Variants in COL18A1 observed in about 807,000 individuals in gnomAD.
COL18A1 encodes the protein collagen type XVIII alpha 1 chain.
Under a neutral mutation model 168.0 loss-of-function variants are expected in COL18A1, and 133 were observed. That is an observed-to-expected ratio of 0.79 (90% CI 0.69 to 0.91). The LOEUF (loss-of-function observed/expected upper bound fraction) is 0.91. Among genes scored for constraint, COL18A1 ranks in the 40% least tolerant of loss-of-function variants. The probability of loss-of-function intolerance (pLI) is 0.00; values close to 1 mark genes in which losing one functional copy is unlikely to be tolerated. For synonymous variants in COL18A1, 949 were observed against 809.0 expected (o/e 1.17, Z -2.94); for missense variants, 2,126 against 1,925.4 (o/e 1.10, Z -1.95).
intron 32 of COL18A1, 122 bp downstream of exon 32, chr21:45,497,783 C>G: frequency 7.3e-7 from 1 of 1,361,110 alleles, no homozygotes; most frequent in Admixed American, 2.0e-5. Context: ...GACCACCTCA[C>G]CCTGCGGGAG....
At chr21:45,429,358 G>A (rs1405984094) in intron 2 of COL18A1, among the ~76,000 whole-genome samples, 1 of 152,222 alleles carries the variant, frequency 6.6e-6, no homozygotes, top group Admixed American at 6.5e-5. Flanking sequence ...ACGGGGAGCT[G>A]TGGGTGATGG....
rs1181389735 is a variant in COL18A1, at chr21:45,443,075, GGGT to G, written c.107-25156_107-25154del. ...GTGTGGGCGGTGGTGGTGCTGGTGT[GGGT>G]GGTGGTGGTGCTGATGTGGGCGGCG... On this transcript the variant is annotated intron_variant, in intron 2 of 41. Transcript: ENST00000651438. The surrounding 1 kb of genome is among the most constrained non-coding windows in gnomAD (Gnocchi z 5.2). Among the ~76,000 whole-genome samples the G allele has an allele frequency of 7.6e-6, 1 of 131,998 alleles. No individual in the cohort carries two copies. The highest frequency in any genetic ancestry group is 1.6e-5 in the Non-Finnish European group (1 of 63,702). The allele number at this position is 131,998 out of a possible 152,430, so 86.6% of individuals were successfully genotyped here. A position where few individuals can be genotyped will look rare whatever the true frequency, so the allele number is the denominator to read the frequency against.
chr21:45,458,826 T>G (rs2034941455), intron 2 of COL18A1, among the ~76,000 whole-genome samples: 1 of 152,162 alleles, frequency 6.6e-6, no homozygotes, highest in Non-Finnish European at 1.5e-5. Flanking sequence ...AGCCCGAGAC[T>G]GTCTGGGATC....
In COL18A1 at chr21:45,405,190, A is replaced by AG. The variant is rs2033028604; in HGVS notation, c.-39dup. On this transcript the variant is annotated 5_prime_UTR_variant, in exon 1 of 42. Coordinates refer to ENST00000651438, the MANE Select transcript of COL18A1 (RefSeq NM_001379500.1). ...GGTCCGAGCGGGTGCACCGCGGCGG[A>AG]GGAGGCAGCATCCCGCGGCGCTGAC... The AG allele has an allele frequency of 1.0e-5, 2 of 194,666 alleles. No individual in the cohort carries two copies. The highest frequency in any genetic ancestry group is 2.0e-4 in the East Asian group (2 of 9,902). 12.1% of individuals were successfully genotyped at this position (194,666 alleles called of 1,614,324 possible).
chr21:45,447,211 CATATATCAT>C (rs949403861), intron 2 of COL18A1, among the ~76,000 whole-genome samples: 17 of 149,884 alleles, frequency 1.1e-4, no homozygotes, highest in Admixed American at 8.0e-4. Flanking sequence ...ATATATATAT[CATATATCAT>C]ATATATCATA....
intron 2 of COL18A1, among the ~76,000 whole-genome samples, chr21:45,459,419 C>T (rs1240408858): frequency 6.6e-6 from 1 of 152,190 alleles, no homozygotes; most frequent in East Asian, 1.9e-4. Context: ...GCTGCATCTC[C>T]AGGGATCAGG....
intron 33 of COL18A1, 92 bp from the exon 34 acceptor site, chr21:45,504,324 C>G: frequency 7.4e-7 from 1 of 1,356,248 alleles, no homozygotes; most frequent in Non-Finnish European, 1.0e-6. Flanking sequence ...CCGGAAGCTT[C>G]TGACTGCCCA....
chr21:45,479,785 C>T (rs2145933424), intron 9 of COL18A1, 117 bp from the exon 10 acceptor site: 7 of 1,440,256 alleles, frequency 4.9e-6, no homozygotes, highest in East Asian at 2.5e-5. Context: ...GCCCCAGAGA[C>T]TCCCCTGAAG....
chr21:45,501,870 T>C (rs75914723), intron 32 of COL18A1, among the ~76,000 whole-genome samples: 6 of 33,650 alleles, frequency 1.8e-4, no homozygotes, highest in South Asian at 1.4e-3. Context: ...CCCAGGGGCT[T>C]CAAAGCCGGT....
chr21:45,480,908 G>A, intron 13 of COL18A1, 50 bp downstream of exon 13: 1 of 1,568,494 alleles, frequency 6.4e-7, no homozygotes, highest in South Asian at 1.2e-5. Context: ...TGCTGGGAGT[G>A]AGGGGTGAAC....
intron 41 of COL18A1, 31 bp from the exon 42 acceptor site, chr21:45,512,157 G>A (rs2037649346): frequency 6.3e-7 from 1 of 1,596,680 alleles, no homozygotes; most frequent in Non-Finnish European, 8.5e-7. Flanking sequence ...AGCAGGTCTG[G>A]GTTTGACTGA....
intron 29 of COL18A1, 111 bp downstream of exon 29, chr21:45,495,543 C>A: frequency 2.2e-6 from 2 of 896,748 alleles, no homozygotes; most frequent in Non-Finnish European, 3.6e-6. Flanking sequence ...TATAAGCAGC[C>A]CTGCCATGTG....
At chr21:45,456,362 C>T (rs2034814377) in intron 2 of COL18A1, 1 of 1,550,248 alleles carries the variant, frequency 6.5e-7, no homozygotes, top group Non-Finnish European at 8.7e-7. Flanking sequence ...GCACGCGGCC[C>T]CCTCCGCCTT....
At chr21:45,496,095 C>T (rs2036533495) in intron 29 of COL18A1, 2 of 369,748 alleles carry the variant, frequency 5.4e-6, no homozygotes, top group Non-Finnish European at 1.0e-5. Context: ...CCTCTATGCC[C>T]TCCATGCCCT....
intron 2 of COL18A1, among the ~76,000 whole-genome samples, chr21:45,449,950 C>T (rs879024217): frequency 2.6e-5 from 4 of 152,328 alleles, no homozygotes; most frequent in East Asian, 1.9e-4. Flanking sequence ...CCAGGAAGCA[C>T]GTTCAGAGAC....
chr21:45,433,881 C>T (rs1602371121), intron 2 of COL18A1, among the ~76,000 whole-genome samples: 2 of 152,316 alleles, frequency 1.3e-5, no homozygotes, highest in South Asian at 4.1e-4. Flanking sequence ...GGGCACTGAG[C>T]AGGTGCCAGG....
rs559448225 is a variant in COL18A1 at position 45,415,574 on chromosome 21, C to T, written c.106+10101C>T. Among the ~76,000 whole-genome samples, 47 of 152,160 alleles carry T rather than the reference C, an allele frequency of 3.1e-4. 1 individual carries two copies. The highest frequency in any genetic ancestry group is 5.9e-4 in the Admixed American group (9 of 15,284). ...GAAGATGGATGCAGGTGGGAACCAG[C>T]GTGGTGTGGAGTTGAGAGCGGGGGT... On this transcript the variant is annotated intron_variant, in intron 2 of 41. Coordinates refer to ENST00000651438, the MANE Select transcript of COL18A1 (RefSeq NM_001379500.1).
At position 45,437,283 on chromosome 21, in the gene COL18A1, C is replaced by T. The variant is rs1334292603; in HGVS notation, c.107-30959C>T. On this transcript the variant is annotated intron_variant, in intron 2 of 41. Coordinates refer to ENST00000651438, the MANE Select transcript of COL18A1 (RefSeq NM_001379500.1). ...TCACACACTCAGACACACAGGCACT[C>T]TCCTGCACACACACACACTCACACA... 1.6e-4 allele frequency among the ~76,000 whole-genome samples: 22 copies of T among 135,136 alleles called. 1 individual carries two copies. Among genetic ancestry groups the T allele is most frequent in the African/African-American group, 4.0e-4 (13 of 32,614 alleles). The allele number at this position is 135,136 out of a possible 152,430, so 88.7% of individuals were successfully genotyped here. A position where few individuals can be genotyped will look rare whatever the true frequency, so the allele number is the denominator to read the frequency against.
chr21:45,480,880 A>G lies in COL18A1; in HGVS notation c.1611+22A>G, dbSNP rs372542771. The G allele has an allele frequency of 1.4e-3, 2,298 of 1,601,196 alleles. 2 individuals carry two copies. The highest frequency in any genetic ancestry group is 1.9e-3 in the Non-Finnish European group (2,192 of 1,175,774). ...CCCGGTAAGTCCTGCCTCCACCGTC[A>G]GTGTCGGGAGCCCTGTCTGCTGGGA... On this transcript the variant is annotated intron_variant, in intron 13 of 41. Coordinates refer to ENST00000651438, the MANE Select transcript of COL18A1 (RefSeq NM_001379500.1).
Sources: allele counts gnomAD v4.1 joint callset (sites outside exome capture counted in the v4.1 genomes callset), GRCh38; gene constraint gnomAD v4.1.1; non-coding constraint Gnocchi (gnomAD v3.1); transcripts MANE v1.5; gene names NCBI Gene and HGNC (gene_info 2026-07-23, HGNC 2026-07-21).